Variants in RIMKLB observed in about 807,000 individuals in gnomAD.
RIMKLB encodes beta-citrylglutamate synthase B.
RIMKLB carries 7 observed loss-of-function variants against 32.0 expected under a neutral mutation model. The observed-to-expected ratio is 0.22, with a 90% CI of 0.12 to 0.41. The LOEUF (loss-of-function observed/expected upper bound fraction) is 0.41, where lower values mean the gene tolerates loss of function less well. Among genes scored for constraint, RIMKLB ranks in the 10% least tolerant of loss-of-function variants. The pLI is 1.00. For missense variants in RIMKLB, 289 were observed against 498.7 expected (o/e 0.58, Z 4.00); for synonymous variants, 172 against 185.1 (o/e 0.93, Z 0.57).
chr12:8,721,680 G>T (rs760810593), intron 2 of RIMKLB, among the ~76,000 whole-genome samples: 1 of 152,248 alleles, frequency 6.6e-6, no homozygotes, highest in Admixed American at 6.5e-5. Context: ...GTGAGAATCA[G>T]TTTCTTCCAC....
intron 2 of RIMKLB, among the ~76,000 whole-genome samples, chr12:8,719,171 C>T (rs1056355257): frequency 1.3e-5 from 2 of 152,186 alleles, no homozygotes; most frequent in South Asian, 2.1e-4. Flanking sequence ...GTAGTGTTTT[C>T]GTATTAGGAT....
intron 2 of RIMKLB, among the ~76,000 whole-genome samples, chr12:8,719,629 A>C (rs1945240325): frequency 6.6e-6 from 1 of 152,174 alleles, no homozygotes; most frequent in Non-Finnish European, 1.5e-5. Context: ...TCGGCCTACC[A>C]AGGTGCTAGG....
In RIMKLB at chr12:8,731,566, G is replaced by A. The variant is rs115698039; in HGVS notation, c.175+17525G>A. On this transcript the variant is annotated intron_variant, in intron 2 of 5. Transcript: ENST00000535829. ...TTCTTTAAGCTCTGGTCAGCAATTG[G>A]TAAACAATCTTTGCTGTGTGCCTGG... Among the ~76,000 whole-genome samples the A allele has an allele frequency of 2.3e-3, 356 of 152,056 alleles. 4 individuals are homozygous for A. Among genetic ancestry groups the A allele is most frequent in the African/African-American group, 8.3e-3 (344 of 41,472 alleles).
At chr12:8,684,602 T>C (rs1942512075) in intron 1 of RIMKLB, among the ~76,000 whole-genome samples, 1 of 151,904 alleles carries the variant, frequency 6.6e-6, no homozygotes, top group South Asian at 2.1e-4. Context: ...TCTTTTTCTT[T>C]TTTTCATGTA....
At chr12:8,714,177 A>G in intron 2 of RIMKLB, 136 bp downstream of exon 2, 1 of 651,034 alleles carries the variant, frequency 1.5e-6, no homozygotes, top group East Asian at 2.8e-5. Context: ...GGTCTAATAT[A>G]TTTTATGAAA....
downstream of RIMKLB, chr12:8,777,310 A>G (rs1304851575): frequency 1.0e-6 from 1 of 977,986 alleles, no homozygotes; most frequent in African/African-American, 1.8e-5. Flanking sequence ...GGATTTTGGA[A>G]TGTTTCAGTA....
chr12:8,688,324 C>G (rs1374486160), intron 1 of RIMKLB, among the ~76,000 whole-genome samples: 2 of 151,732 alleles, frequency 1.3e-5, no homozygotes, highest in Admixed American at 1.3e-4. Context: ...TAAGCCAAGA[C>G]ACAACAAAGT....
rs1206404747 is a variant in RIMKLB, at chr12:8,745,688, C to G, written c.176-4174C>G. 2.0e-5 allele frequency among the ~76,000 whole-genome samples: 3 copies of G among 150,648 alleles called. 1 individual carries two copies. The highest frequency in any genetic ancestry group is 7.4e-5 in the African/African-American group (3 of 40,570). The stretch of plus-strand genomic sequence containing the variant: ...GGATTACAGGCGTGAGCCACTGCAC[C>G]CAGCCTTTTTTTTTTTTTTTTTTAA... On this transcript the variant is annotated intron_variant, in intron 2 of 5. Coordinates refer to ENST00000535829, the MANE Select transcript of RIMKLB (RefSeq NM_001297776.2).
intron 4 of RIMKLB, 116 bp from the exon 5 acceptor site, chr12:8,753,770 TAAAA>T (rs57839091): frequency 6.9e-6 from 5 of 719,624 alleles, no homozygotes; most frequent in East Asian, 2.9e-5. Flanking sequence ...AAAGAAAACT[TAAAA>T]AAAAAATGTA....
At chr12:8,685,202 C>T (rs1942534880) in intron 1 of RIMKLB, among the ~76,000 whole-genome samples, 1 of 152,140 alleles carries the variant, frequency 6.6e-6, no homozygotes, top group Non-Finnish European at 1.5e-5. Context: ...CCATGCTTGC[C>T]TTGGTCCTTT....
intron 2 of RIMKLB, among the ~76,000 whole-genome samples, chr12:8,719,919 G>A (rs1050238635): frequency 2.0e-5 from 3 of 152,230 alleles, no homozygotes; most frequent in Non-Finnish European, 2.9e-5. Flanking sequence ...AAAGGAGACT[G>A]ACAAGGAGTC....
chr12:8,767,692 C>A (rs185021104), intron 5 of RIMKLB, among the ~76,000 whole-genome samples: 1 of 152,152 alleles, frequency 6.6e-6, no homozygotes. Flanking sequence ...TGCTTCTAGT[C>A]GGCCCTCAGC....
the RIMKLB span, among the ~76,000 whole-genome samples, chr12:8,675,459 C>T: frequency 1.3e-5 from 2 of 152,286 alleles, no homozygotes; most frequent in South Asian, 4.1e-4. Context: ...TCTCCCTCTC[C>T]TTAATCCACT....
intron 2 of RIMKLB, 94 bp downstream of exon 2, chr12:8,714,135 C>G: frequency 2.0e-6 from 2 of 983,884 alleles, no homozygotes; most frequent in Non-Finnish European, 3.1e-6. Flanking sequence ...GAATTCTTAG[C>G]CTTGTCATTA....
chr12:8,768,568 G>A (rs889839810), intron 5 of RIMKLB, among the ~76,000 whole-genome samples: 3 of 152,176 alleles, frequency 2.0e-5, no homozygotes, highest in African/African-American at 7.2e-5. Flanking sequence ...TTTATTTAAT[G>A]TATTGGGGAG....
chr12:8,683,507 T>C (rs887133878), intron 1 of RIMKLB, among the ~76,000 whole-genome samples: 3 of 152,200 alleles, frequency 2.0e-5, no homozygotes, highest in Non-Finnish European at 4.4e-5. Flanking sequence ...CAATAACATA[T>C]AATGTGCAGC....
At chr12:8,710,374 C>T (rs1433024956) in intron 1 of RIMKLB, among the ~76,000 whole-genome samples, 1 of 146,024 alleles carries the variant, frequency 6.8e-6, no homozygotes, top group Admixed American at 7.0e-5. Context: ...GTGGCACGAT[C>T]TCCACTCACT....
intron 1 of RIMKLB, chr12:8,700,293 C>T: frequency 6.6e-6 from 1 of 152,232 alleles, no homozygotes; most frequent in East Asian, 1.9e-4. Flanking sequence ...AGAAACATCT[C>T]TTTTAAAATA....
At chr12:8,781,070 G>A (rs897336480), downstream of RIMKLB, among the ~76,000 whole-genome samples, 2 of 152,232 alleles carry the variant, frequency 1.3e-5, no homozygotes, top group Non-Finnish European at 2.9e-5. Context: ...GCCACGTACT[G>A]TGGCTCACGC....
Sources: gnomAD v4.1 joint callset for allele counts (sites outside exome capture counted in the v4.1 genomes callset) on GRCh38, gnomAD v4.1.1 for gene constraint, MANE v1.5 for transcripts, NCBI Gene and HGNC (gene_info 2026-07-23, HGNC 2026-07-21) for gene names.